The following CNTLN variants were observed in gnomAD, a reference collection of about 807,000 sequenced individuals.
CNTLN encodes centlein, also known as centlein, centrosomal protein.
Under a neutral mutation model 180.0 loss-of-function variants are expected in CNTLN, and 212 were observed. The observed-to-expected ratio is 1.18, with a 90% CI of 1.05 to 1.32. The LOEUF (loss-of-function observed/expected upper bound fraction) is 1.32, where lower values mean the gene tolerates loss of function less well. Among genes scored for constraint, CNTLN ranks in the 40% most tolerant of loss-of-function variants. CNTLN has a pLI of 0.00. For synonymous variants in CNTLN, 722 were observed against 563.1 expected (o/e 1.28, Z -3.99); for missense variants, 2,095 against 1,610.9 (o/e 1.30, Z -5.14).
At chr9:17,523,179 C>G in the CNTLN span, among the ~76,000 whole-genome samples, 138 of 152,234 alleles carry the variant, frequency 9.1e-4, no homozygotes, top group African/African-American at 3.1e-3. Flanking sequence ...GCCTTATAAC[C>G]ATAATATTGG....
At chr9:17,194,451 C>G (rs1488937354) in intron 2 of CNTLN, among the ~76,000 whole-genome samples, 1 of 152,210 alleles carries the variant, frequency 6.6e-6, no homozygotes, top group Non-Finnish European at 1.5e-5. Context: ...CTACAAATCT[C>G]TAGGGCAGAG....
chr9:17,335,346 G>C (rs558434692), intron 10 of CNTLN, among the ~76,000 whole-genome samples: 1 of 152,180 alleles, frequency 6.6e-6, no homozygotes, highest in African/African-American at 2.4e-5. Context: ...GTGAAACCCT[G>C]TCTCTACTAA....
At chr9:17,301,920 T>C (rs1196781887) in intron 7 of CNTLN, 1 of 927,384 alleles carries the variant, frequency 1.1e-6, no homozygotes, top group South Asian at 5.0e-5. Flanking sequence ...TAACATTATA[T>C]TTTAAAAAAT....
At chr9:17,281,260 GTTATT>G (rs757752361) in intron 6 of CNTLN, among the ~76,000 whole-genome samples, 61 of 147,950 alleles carry the variant, frequency 4.1e-4, no homozygotes, top group Admixed American at 7.5e-4. Context: ...TAGATGTCCT[GTTATT>G]TTATTTTATT....
intron 8 of CNTLN, among the ~76,000 whole-genome samples, chr9:17,321,359 C>T (rs946391055): frequency 4.6e-5 from 7 of 151,998 alleles, no homozygotes; most frequent in African/African-American, 1.7e-4. Context: ...AATTGTTTTC[C>T]TTGTGTATCT....
chr9:17,513,594 G>A, the CNTLN span, among the ~76,000 whole-genome samples: 1 of 152,134 alleles, frequency 6.6e-6, no homozygotes, highest in Non-Finnish European at 1.5e-5. Flanking sequence ...CTATGCAGGA[G>A]GTTGAAGCGG....
At chr9:17,225,125 T>C (rs578007020) in intron 2 of CNTLN, among the ~76,000 whole-genome samples, 1 of 152,002 alleles carries the variant, frequency 6.6e-6, no homozygotes, top group Non-Finnish European at 1.5e-5. Flanking sequence ...CAACTCTTGA[T>C]TGGGGAGCTA....
intron 23 of CNTLN, among the ~76,000 whole-genome samples, chr9:17,475,193 T>G (rs1411814392): frequency 1.3e-5 from 2 of 152,096 alleles, no homozygotes; most frequent in Admixed American, 1.3e-4. Context: ...TTCAAACATA[T>G]GAAACAATGG....
At chr9:17,420,062 G>A (rs148839024) in intron 18 of CNTLN, among the ~76,000 whole-genome samples, 21 of 152,088 alleles carry the variant, frequency 1.4e-4, no homozygotes, top group African/African-American at 5.1e-4. Flanking sequence ...CTATAGGCAC[G>A]CAACACCACG....
intron 2 of CNTLN, among the ~76,000 whole-genome samples, chr9:17,178,354 T>G (rs111288860): frequency 7.9e-5 from 12 of 152,304 alleles, no homozygotes; most frequent in African/African-American, 2.4e-4. Context: ...CTTCACCCAG[T>G]GGATCCCGCA....
chr9:17,331,268 C>A (rs903934863), intron 9 of CNTLN, among the ~76,000 whole-genome samples: 2 of 151,626 alleles, frequency 1.3e-5, no homozygotes, highest in East Asian at 3.9e-4. Flanking sequence ...TTAACACTAA[C>A]TTCTGCACTT....
chr9:17,439,432 A>T (rs554774279), intron 18 of CNTLN, among the ~76,000 whole-genome samples: 2 of 152,262 alleles, frequency 1.3e-5, no homozygotes, highest in South Asian at 2.1e-4. Flanking sequence ...ATGCGAATTT[A>T]TAGAGGCATT....
rs1242401855 is a variant in CNTLN, at chr9:17,260,619, A to G, written c.850-13114A>G. On this transcript the variant is annotated intron_variant, in intron 5 of 25. Coordinates refer to ENST00000380647, the MANE Select transcript of CNTLN (RefSeq NM_017738.4). ...TTGTGAAAATTTTCTCCCATTCTGTATGTTGACTGTTTACTCTTTGATAGT... is the reference window on the plus strand; with the variant it reads ...TTGTGAAAATTTTCTCCCATTCTGTGTGTTGACTGTTTACTCTTTGATAGT... Among the ~76,000 whole-genome samples, 8 of 151,318 alleles carry G rather than the reference A, an allele frequency of 5.3e-5. 1 individual carries two copies. Among genetic ancestry groups the G allele is most frequent in the East Asian group, 1.9e-4 (1 of 5,172 alleles).
intron 25 of CNTLN, 121 bp downstream of exon 25, chr9:17,487,187 A>G (rs1434569855): frequency 1.4e-6 from 1 of 709,568 alleles, no homozygotes; most frequent in South Asian, 1.6e-5. Flanking sequence ...TTAGGTAAAG[A>G]AGTATTCCAA....
chr9:17,215,357 C>T (rs1823664243), intron 2 of CNTLN, among the ~76,000 whole-genome samples: 1 of 152,194 alleles, frequency 6.6e-6, no homozygotes, highest in African/African-American at 2.4e-5. Context: ...GCGGAGGCTG[C>T]AGAACAGCGA....
At chr9:17,357,579 CAT>C (rs370275927) in intron 12 of CNTLN, among the ~76,000 whole-genome samples, 2,063 of 120,872 alleles carry the variant, frequency 0.017, 42 homozygotes, top group African/African-American at 0.052. Flanking sequence ...ATAAATACTA[CAT>C]ATATATATAT....
intron 10 of CNTLN, among the ~76,000 whole-genome samples, chr9:17,337,582 G>A (rs911284607): frequency 6.6e-6 from 1 of 152,184 alleles, no homozygotes; most frequent in Non-Finnish European, 1.5e-5. Context: ...CTAGTACAGA[G>A]TCTGGCACAT....
intron 12 of CNTLN, among the ~76,000 whole-genome samples, chr9:17,359,169 C>T (rs1205795292): frequency 6.6e-6 from 1 of 152,030 alleles, no homozygotes; most frequent in East Asian, 1.9e-4. Flanking sequence ...CAGGCGCATG[C>T]CACCATGCCT....
chr9:17,185,870 G>C (rs1309773683), intron 2 of CNTLN, among the ~76,000 whole-genome samples: 1 of 151,608 alleles, frequency 6.6e-6, no homozygotes, highest in Non-Finnish European at 1.5e-5. Flanking sequence ...ATGCCTTACT[G>C]TAGCCTCTAC....
Sources: gnomAD v4.1 joint callset for allele counts (sites outside exome capture counted in the v4.1 genomes callset) on GRCh38, gnomAD v4.1.1 for gene constraint, MANE v1.5 for transcripts, NCBI Gene and HGNC (gene_info 2026-07-23, HGNC 2026-07-21) for gene names.